The following ERP44 variants were observed in gnomAD, a reference collection of about 807,000 sequenced individuals.
ERP44 encodes the protein endoplasmic reticulum resident protein 44.
Under a neutral mutation model 53.4 loss-of-function variants are expected in ERP44, and 25 were observed. The observed-to-expected ratio is 0.47, with a 90% CI of 0.34 to 0.65. The LOEUF (loss-of-function observed/expected upper bound fraction) is 0.65. Among genes scored for constraint, ERP44 ranks in the 30% least tolerant of loss-of-function variants. The pLI, the probability that ERP44 is intolerant of heterozygous loss-of-function variation, is 0.01. For missense variants in ERP44, 338 were observed against 493.2 expected (o/e 0.69, Z 2.98); for synonymous variants, 145 against 161.2 (o/e 0.90, Z 0.76).
chr9:100,097,046 T>C (rs1826640946), intron 1 of ERP44, among the ~76,000 whole-genome samples: 1 of 152,202 alleles, frequency 6.6e-6, no homozygotes, highest in Non-Finnish European at 1.5e-5. Context: ...CTGGGGCTTT[T>C]TCAGCCTTTT....
At chr9:100,073,576 G>GA (rs1826326654) in intron 1 of ERP44, among the ~76,000 whole-genome samples, 1 of 152,218 alleles carries the variant, frequency 6.6e-6, no homozygotes, top group South Asian at 2.1e-4. Context: ...CAGAGATGTG[G>GA]AGACGCCTTC....
At position 100,078,455 on chromosome 9, in the gene ERP44, C is replaced by CAAA. The variant is rs61442605; in HGVS notation, c.58-18286_58-18284dup. Among the ~76,000 whole-genome samples, 58 of 114,694 alleles carry CAAA rather than the reference C, an allele frequency of 5.1e-4. 1 individual carries two copies. Among genetic ancestry groups the CAAA allele is most frequent in the Admixed American group, 3.9e-3 (43 of 11,090 alleles). The allele number at this position is 114,694 out of a possible 152,430, so 75.2% of individuals were successfully genotyped here. ...CCTGGGTGACAGAGCAAGACTCTAT[C>CAAA]AAAAAAAAAAAAAAAAAGTCCGGGT... On this transcript the variant is annotated intron_variant, in intron 1 of 11. Transcript: ENST00000262455.
At chr9:100,028,266 C>G (rs182531957) in intron 4 of ERP44, among the ~76,000 whole-genome samples, 1 of 152,252 alleles carries the variant, frequency 6.6e-6, no homozygotes, top group East Asian at 1.9e-4. Flanking sequence ...CATATGAATG[C>G]CTCTTGCTTA....
At chr9:100,070,276 G>T (rs1276561705) in intron 1 of ERP44, among the ~76,000 whole-genome samples, 1 of 152,156 alleles carries the variant, frequency 6.6e-6, no homozygotes, top group Non-Finnish European at 1.5e-5. Context: ...ATATTTCACT[G>T]AGTCATCACA....
intron 1 of ERP44, among the ~76,000 whole-genome samples, chr9:100,089,523 G>A (rs890046215): frequency 5.6e-5 from 8 of 142,334 alleles, no homozygotes; most frequent in Non-Finnish European, 1.0e-4. Context: ...AGAGGTTGCA[G>A]TGAACCAATA....
intron 1 of ERP44, among the ~76,000 whole-genome samples, chr9:100,078,493 G>A (rs1826383985): frequency 7.1e-6 from 1 of 141,482 alleles, no homozygotes; most frequent in South Asian, 2.2e-4. Context: ...AGCGGCTCAT[G>A]CCTGTAATCC....
Position 100,087,166 on chromosome 9 carries a change from C to T in ERP44, c.57+11618G>A, listed in dbSNP as rs147774932. ...TTAATTCTAAAACCAATGGACTATA[C>T]GACAAAACACAACTCCCTCCATAAG... On this transcript the variant is annotated intron_variant, in intron 1 of 11. Coordinates refer to ENST00000262455, the MANE Select transcript of ERP44 (RefSeq NM_015051.3). Among the ~76,000 whole-genome samples the T allele has an allele frequency of 1.9e-3, 290 of 151,724 alleles. 3 individuals carry two copies. Among genetic ancestry groups the T allele is most frequent in the African/African-American group, 6.4e-3 (265 of 41,190 alleles).
chr9:99,993,939 T>C (rs1453554991), intron 10 of ERP44, among the ~76,000 whole-genome samples: 2 of 152,046 alleles, frequency 1.3e-5, no homozygotes, highest in Non-Finnish European at 2.9e-5. Context: ...GAAATGCAAA[T>C]CAAAACCACA....
intron 10 of ERP44, among the ~76,000 whole-genome samples, chr9:99,985,845 G>A (rs1483223444): frequency 2.6e-5 from 4 of 152,190 alleles, no homozygotes; most frequent in Admixed American, 6.5e-5. Flanking sequence ...ACACTAACAA[G>A]GGGACTTCCC....
chr9:99,999,027 C>G (rs1418509948), intron 10 of ERP44: 1 of 936,188 alleles, frequency 1.1e-6, no homozygotes, highest in Non-Finnish European at 1.7e-6. Context: ...GCGGGCGCAG[C>G]TGCTCCTTGG....
chr9:100,083,493 G>A (rs941598638), intron 1 of ERP44, among the ~76,000 whole-genome samples: 15 of 152,190 alleles, frequency 9.9e-5, no homozygotes, highest in Admixed American at 2.0e-4. Flanking sequence ...AAAGTACAAT[G>A]AGTCAAAAAG....
At chr9:100,000,510 G>A (rs1177509717) in intron 10 of ERP44, among the ~76,000 whole-genome samples, 1 of 150,816 alleles carries the variant, frequency 6.6e-6, no homozygotes, top group Non-Finnish European at 1.5e-5. Flanking sequence ...ATCAGGTCCT[G>A]GGCTTTTCTT....
chr9:99,994,397 C>T (rs1482174816), intron 10 of ERP44, among the ~76,000 whole-genome samples: 3 of 148,474 alleles, frequency 2.0e-5, no homozygotes, highest in African/African-American at 7.3e-5. Context: ...CAAACTATCC[C>T]AACAACAGAA....
intron 1 of ERP44, among the ~76,000 whole-genome samples, chr9:100,095,474 G>A (rs1041693466): frequency 1.3e-5 from 2 of 152,030 alleles, no homozygotes; most frequent in African/African-American, 4.8e-5. Context: ...AAACAATCAG[G>A]AAAACCCAAA....
intron 8 of ERP44, among the ~76,000 whole-genome samples, chr9:100,009,896 C>T (rs903140774): frequency 6.6e-6 from 1 of 152,272 alleles, no homozygotes; most frequent in Middle Eastern, 3.4e-3. Context: ...TGCCGCTTCT[C>T]TAAAGTCATC....
At chr9:99,992,872 AACAG>A (rs1830270228) in intron 10 of ERP44, among the ~76,000 whole-genome samples, 1 of 152,088 alleles carries the variant, frequency 6.6e-6, no homozygotes, top group Admixed American at 6.6e-5. Context: ...ATACACCAGT[AACAG>A]ACAGCCAGCC....
chr9:100,053,158 T>C (rs1354479882), intron 3 of ERP44, among the ~76,000 whole-genome samples: 1 of 152,336 alleles, frequency 6.6e-6, no homozygotes, highest in East Asian at 1.9e-4. Flanking sequence ...AAATAAGTTA[T>C]ATTAAAAGAA....
chr9:100,013,366 A>C (rs1830495377), intron 8 of ERP44, among the ~76,000 whole-genome samples: 1 of 152,058 alleles, frequency 6.6e-6, no homozygotes, highest in African/African-American at 2.4e-5. Flanking sequence ...GAAAATTAGA[A>C]AAACCAGAGT....
intron 10 of ERP44, among the ~76,000 whole-genome samples, chr9:99,999,299 G>C (rs1693323406): frequency 6.6e-6 from 1 of 152,118 alleles, no homozygotes; most frequent in South Asian, 2.1e-4. Flanking sequence ...TTTTTGATGA[G>C]ATTATTTGTT....
Sources: allele counts gnomAD v4.1 joint callset (sites outside exome capture counted in the v4.1 genomes callset), GRCh38; gene constraint gnomAD v4.1.1; transcripts MANE v1.5; gene names NCBI Gene and HGNC (gene_info 2026-07-23, HGNC 2026-07-21).